Variants in TENM2 observed in about 807,000 individuals in gnomAD.
TENM2 encodes teneurin transmembrane protein 2, also known as teneurin-2.
Under a neutral mutation model 245.2 loss-of-function variants are expected in TENM2, and 52 were observed. The observed-to-expected ratio is 0.21, with a 90% confidence interval of 0.17 to 0.27. The LOEUF is 0.27. Ranked by LOEUF, TENM2 falls within the 10% of genes least tolerant of loss-of-function variation. The probability of loss-of-function intolerance (pLI) is 1.00; values close to 1 mark genes in which losing one functional copy is unlikely to be tolerated. For missense variants in TENM2, 3,046 were observed against 3,666.8 expected (o/e 0.83, Z 4.37); for synonymous variants, 1,363 against 1,438.9 (o/e 0.95, Z 1.19).
chr5:167,126,244 G>A, the TENM2 span, among the ~76,000 whole-genome samples: 1 of 152,126 alleles, frequency 6.6e-6, no homozygotes, highest in South Asian at 2.1e-4. Flanking sequence ...GCTTAGGGAG[G>A]GGAGATATGA....
At chr5:167,643,226 C>A (rs1779724524) in intron 2 of TENM2, among the ~76,000 whole-genome samples, 1 of 152,078 alleles carries the variant, frequency 6.6e-6, no homozygotes, top group Admixed American at 6.6e-5. Context: ...TTTTTGTCCC[C>A]CCAGTAAGAT....
the TENM2 span, among the ~76,000 whole-genome samples, chr5:167,017,635 C>T: frequency 2.0e-5 from 3 of 152,176 alleles, no homozygotes; most frequent in African/African-American, 7.2e-5. Flanking sequence ...ATATTTCCAA[C>T]CAGAAACTTT....
chr5:167,488,667 C>T (rs1768237820), intron 2 of TENM2, among the ~76,000 whole-genome samples: 1 of 151,892 alleles, frequency 6.6e-6, no homozygotes, highest in African/African-American at 2.4e-5. Context: ...CCCTTCTACC[C>T]CCACCACATC....
the TENM2 span, among the ~76,000 whole-genome samples, chr5:167,144,158 A>G: frequency 7.2e-6 from 1 of 139,338 alleles, no homozygotes; most frequent in Non-Finnish European, 1.5e-5. Flanking sequence ...TTTAATTTTG[A>G]AAAAAAAAAA....
chr5:167,492,742 CATG>C (rs936751955), intron 2 of TENM2, among the ~76,000 whole-genome samples: 3 of 152,028 alleles, frequency 2.0e-5, no homozygotes, highest in African/African-American at 7.2e-5. Context: ...TCAATGGTGA[CATG>C]GTGGTGGCCA....
intron 2 of TENM2, among the ~76,000 whole-genome samples, chr5:167,408,201 G>T (rs1265052312): frequency 6.6e-6 from 1 of 152,120 alleles, no homozygotes; most frequent in African/African-American, 2.4e-5. Context: ...CTCTGCCAAA[G>T]TATGATCTTT....
intron 7 of TENM2, among the ~76,000 whole-genome samples, chr5:168,078,414 G>A (rs1791674590): frequency 6.6e-6 from 1 of 152,094 alleles, no homozygotes; most frequent in African/African-American, 2.4e-5. Context: ...CTTTTGCTGT[G>A]CAGAAGCTCT....
At chr5:167,262,105 G>T in the TENM2 span, among the ~76,000 whole-genome samples, 1 of 152,164 alleles carries the variant, frequency 6.6e-6, no homozygotes, top group African/African-American at 2.4e-5. Context: ...GTCCCTTTGG[G>T]TAAGATTATT....
intron 6 of TENM2, among the ~76,000 whole-genome samples, chr5:168,055,303 A>G (rs1789441809): frequency 6.6e-6 from 1 of 152,202 alleles, no homozygotes; most frequent in Non-Finnish European, 1.5e-5. Context: ...TGGAAGTATG[A>G]ATGAATGGCC....
At chr5:167,418,078 C>G (rs1231269655) in intron 2 of TENM2, among the ~76,000 whole-genome samples, 1 of 152,100 alleles carries the variant, frequency 6.6e-6, no homozygotes, top group African/African-American at 2.4e-5. Flanking sequence ...GCCTGTAATC[C>G]CAGCACTTTG....
the TENM2 span, among the ~76,000 whole-genome samples, chr5:167,030,968 G>A: frequency 4.2e-4 from 64 of 152,322 alleles, no homozygotes; most frequent in African/African-American, 1.5e-3. Flanking sequence ...CTCTGCATCA[G>A]AATCACCTAA....
chr5:167,091,617 G>T, the TENM2 span, among the ~76,000 whole-genome samples: 208 of 152,232 alleles, frequency 1.4e-3, 2 homozygotes, highest in African/African-American at 4.8e-3. Flanking sequence ...AATTTGTGCA[G>T]TATTTTTCTC....
At chr5:168,050,379 A>G (rs750368465) in intron 6 of TENM2, among the ~76,000 whole-genome samples, 2 of 152,198 alleles carry the variant, frequency 1.3e-5, no homozygotes, top group South Asian at 2.1e-4. Context: ...CCCCAATTCT[A>G]TACATTTAGA....
chr5:167,254,343 G>A, the TENM2 span, among the ~76,000 whole-genome samples: 1 of 152,136 alleles, frequency 6.6e-6, no homozygotes, highest in African/African-American at 2.4e-5. Flanking sequence ...TCAGAACCAT[G>A]TCTAGTGCTA....
chr5:168,137,390 G>T (rs1437672547), intron 12 of TENM2, among the ~76,000 whole-genome samples: 1 of 152,214 alleles, frequency 6.6e-6, no homozygotes, highest in Non-Finnish European at 1.5e-5. Flanking sequence ...GCCCTGTCTA[G>T]GTGTCTAGAA....
At chr5:168,050,830 G>A (rs960098451) in intron 6 of TENM2, among the ~76,000 whole-genome samples, 1 of 152,114 alleles carries the variant, frequency 6.6e-6, no homozygotes, top group African/African-American at 2.4e-5. Flanking sequence ...GTTGTTGTTC[G>A]AGTCTTATTT....
chr5:167,107,884 A>C, the TENM2 span, among the ~76,000 whole-genome samples: 1 of 152,326 alleles, frequency 6.6e-6, no homozygotes, highest in South Asian at 2.1e-4. Flanking sequence ...CATCCAGTTC[A>C]CATCTGCAGA....
At chr5:167,337,093 C>T (rs529891194) in intron 1 of TENM2, among the ~76,000 whole-genome samples, 7 of 124,728 alleles carry the variant, frequency 5.6e-5, no homozygotes, top group South Asian at 2.8e-4. Context: ...GTCCGCAGTC[C>T]GGCCTGGGCG....
chr5:168,004,517 G>GCGCGCGCGCA (rs898616203), intron 5 of TENM2, among the ~76,000 whole-genome samples: 42 of 132,224 alleles, frequency 3.2e-4, no homozygotes, highest in African/African-American at 1.2e-3. Flanking sequence ...GCGCGCGCGC[G>GCGCGCGCGCA]CACACACACA....
Sources: allele counts gnomAD v4.1 joint callset (sites outside exome capture counted in the v4.1 genomes callset), GRCh38; gene constraint gnomAD v4.1.1; transcripts MANE v1.5; gene names NCBI Gene and HGNC (gene_info 2026-07-23, HGNC 2026-07-21).